Variants in VPS41 observed in about 807,000 individuals in gnomAD.
The protein encoded by VPS41 is VPS41 subunit of HOPS complex, also known as vacuolar protein sorting-associated protein 41 homolog.
VPS41 carries 85 observed loss-of-function variants against 130.9 expected under a neutral mutation model. The ratio of observed to expected loss-of-function variants is 0.65; its 90% confidence interval spans 0.55 to 0.78. The LOEUF is 0.78. Among genes scored for constraint, VPS41 ranks in the 30% least tolerant of loss-of-function variants. VPS41 has a pLI of 0.00. For synonymous variants in VPS41, 335 were observed against 332.9 expected, an observed-to-expected ratio of 1.01 and a Z score of -0.07; for missense variants, 874 against 1,018.7, an observed-to-expected ratio of 0.86 and a Z score of 1.93.
rs1795483783 is a variant in VPS41 at position 38,723,752 on chromosome 7, A to AAAAAAAAAAAAAAAAAT, written c.*2493_*2494insATTTTTTTTTTTTTTTT. 1 of 147,164 alleles carries AAAAAAAAAAAAAAAAAT rather than the reference A, an allele frequency of 6.8e-6. No individual in the cohort carries two copies. Among genetic ancestry groups the AAAAAAAAAAAAAAAAAT allele is most frequent in the East Asian group, 2.0e-4 (1 of 5,064 alleles). The allele number at this position is 147,164 out of a possible 1,614,324, so 9.1% of individuals were successfully genotyped here. On this transcript the variant is annotated 3_prime_UTR_variant, in exon 29 of 29. Transcript: ENST00000310301. Reference sequence around the variant, plus strand: ...AAAAAAAAAAAAAAAAAAAAAAAAAAGAATAGCTTATGAAGTGTGTACTTT... The same window carrying AAAAAAAAAAAAAAAAAT: ...AAAAAAAAAAAAAAAAAAAAAAAAAAAAAAAAAAAAAAAAAATGAATAGCTTATGAAGTGTGTACTTT...
chr7:38,765,712 A>G (rs766192163), intron 15 of VPS41, 51 bp from the exon 16 acceptor site: 3 of 1,197,306 alleles, frequency 2.5e-6, no homozygotes, highest in African/African-American at 3.1e-5. Flanking sequence ...TAAAAAAACA[A>G]AAAACAAACA....
At chr7:38,804,707 G>A (rs1784805442) in intron 7 of VPS41, among the ~76,000 whole-genome samples, 1 of 152,208 alleles carries the variant, frequency 6.6e-6, no homozygotes, top group Admixed American at 6.5e-5. Flanking sequence ...CACCTATGCA[G>A]TATCTACCTA....
chr7:38,909,148 C>G lies in VPS41; in HGVS notation c.21+6G>C, dbSNP rs372508963. On this transcript the variant is annotated splice_donor_region_variant and intron_variant, in intron 1 of 28. Coordinates refer to ENST00000310301, the MANE Select transcript of VPS41 (RefSeq NM_014396.4). ...TGTGCCCTCAACTACCACCTGCACC[C>G]TTTACCTGCTCCTCTGCTTCCGCCA... 2.5e-5 allele frequency: 41 copies of G among 1,614,126 alleles called. No individual in the cohort carries two copies. Among genetic ancestry groups the G allele is most frequent in the Admixed American group, 3.3e-5 (2 of 60,018 alleles).
chr7:38,782,888 G>T (rs923380308), intron 10 of VPS41, among the ~76,000 whole-genome samples: 1 of 151,886 alleles, frequency 6.6e-6, no homozygotes, highest in Non-Finnish European at 1.5e-5. Context: ...AGGCCGAGGT[G>T]GACGGATCAC....
At chr7:38,775,081 ATCTGGGGGCTATT>A (rs1024143434) in intron 11 of VPS41, 33 of 152,140 alleles carry the variant, frequency 2.2e-4, no homozygotes, top group Admixed American at 2.0e-3. Flanking sequence ...TCACGTGGAT[ATCTGGGGGCTATT>A]TGGGGGATAA....
intron 11 of VPS41, among the ~76,000 whole-genome samples, chr7:38,775,029 A>G (rs1784231074): frequency 6.6e-6 from 1 of 152,210 alleles, no homozygotes; most frequent in Non-Finnish European, 1.5e-5. Context: ...GCATGTGACT[A>G]TCCCTGCAAC....
intron 9 of VPS41, among the ~76,000 whole-genome samples, chr7:38,794,069 T>C (rs1168379559): frequency 2.0e-5 from 3 of 152,188 alleles, no homozygotes; most frequent in Non-Finnish European, 4.4e-5. Context: ...CTGGGAGTAA[T>C]GAGTAAACTT....
rs931911958 is a variant in VPS41 at position 38,758,942 on chromosome 7, A to G, written c.1423-461T>C. 7.2e-5 allele frequency among the ~76,000 whole-genome samples: 11 copies of G among 152,362 alleles called. No individual in the cohort carries two copies. In the East Asian group the frequency reaches 2.1e-3, roughly 29 times the overall value. On this transcript the variant is annotated intron_variant, in intron 17 of 28. Transcript: ENST00000310301. ...CACCCAAAGAGGACCTGGAAGCTCCATGCCTCTTCCCACATACCTTGCCCT... is the reference window on the plus strand; with the variant it reads ...CACCCAAAGAGGACCTGGAAGCTCCGTGCCTCTTCCCACATACCTTGCCCT...
intron 1 of VPS41, among the ~76,000 whole-genome samples, chr7:38,908,007 C>T (rs113277144): frequency 3.3e-5 from 5 of 152,148 alleles, no homozygotes; most frequent in Middle Eastern, 3.4e-3. Context: ...CAAGGACCAG[C>T]CAAACCAAAT....
chr7:38,792,943 C>T (rs1248781349), intron 9 of VPS41, among the ~76,000 whole-genome samples: 1 of 152,108 alleles, frequency 6.6e-6, no homozygotes, highest in Non-Finnish European at 1.5e-5. Context: ...TTTTGCACTC[C>T]TGCTCCTTCT....
Position 38,869,131 on chromosome 7 carries a change from A to G in VPS41, c.168+15T>C, listed in dbSNP as rs1285830357. On this transcript the variant is annotated intron_variant, in intron 3 of 28. Transcript: ENST00000310301. ...AAACAATTTACAGAAGAATCCTCTG[A>G]AAGTGCTATCTTACCTTGTCATGGA... is the stretch of plus-strand genomic sequence containing the variant. 6.6e-7 allele frequency: 1 copy of G among 1,512,648 alleles called. No individual in the cohort carries two copies. The highest frequency in any genetic ancestry group is 1.3e-5 in the South Asian group (1 of 79,370). 93.7% of individuals were successfully genotyped at this position (1,512,648 alleles called of 1,614,324 possible). A position where few individuals can be genotyped will look rare whatever the true frequency, so the allele number is the denominator to read the frequency against.
At chr7:38,825,957 T>G (rs1298823838) in intron 5 of VPS41, among the ~76,000 whole-genome samples, 1 of 152,214 alleles carries the variant, frequency 6.6e-6, no homozygotes, top group Non-Finnish European at 1.5e-5. Context: ...TAGACTTCCC[T>G]TGTAACAGCC....
chr7:38,795,874 C>T (rs534188400), intron 8 of VPS41, among the ~76,000 whole-genome samples: 1 of 152,254 alleles, frequency 6.6e-6, no homozygotes, highest in African/African-American at 2.4e-5. Context: ...ATGAAATGTA[C>T]AAACATCAAT....
At chr7:38,877,837 C>A (rs962050541) in intron 2 of VPS41, among the ~76,000 whole-genome samples, 1 of 152,150 alleles carries the variant, frequency 6.6e-6, no homozygotes. Context: ...CCCACCTGAA[C>A]AAAAGGTATT....
intron 22 of VPS41, among the ~76,000 whole-genome samples, chr7:38,746,684 C>T (rs940975296): frequency 2.6e-5 from 4 of 152,018 alleles, no homozygotes; most frequent in Non-Finnish European, 4.4e-5. Flanking sequence ...TATCTCATAC[C>T]CTGCCTACAA....
At chr7:38,862,146 T>G (rs951044937) in intron 4 of VPS41, among the ~76,000 whole-genome samples, 4 of 152,102 alleles carry the variant, frequency 2.6e-5, no homozygotes, top group Admixed American at 2.6e-4. Flanking sequence ...GAAAGCAGCA[T>G]TTTTTTCTTT....
Position 38,728,554 on chromosome 7 carries a change from T to A in VPS41, c.2392A>T (p.Ile798Phe). The A allele has an allele frequency of 1.2e-6, 2 of 1,614,132 alleles. No individual in the cohort carries two copies. Among genetic ancestry groups the A allele is most frequent in the Non-Finnish European group, 1.7e-6 (2 of 1,180,010 alleles). Residue 798 changes from isoleucine (I) to phenylalanine (F), a missense_variant, in exon 27 of 29, where the codon ATT becomes TTT. Coordinates refer to ENST00000310301, the MANE Select transcript of VPS41 (RefSeq NM_014396.4). ...ENICESCLSPILPSDAAKPFS... is the reference protein window; with the variant it reads ...ENICESCLSPFLPSDAAKPFS... ...AAAACCTTCTTACCTGATGGAAGAA[T>A]AGGGGAAAGGCACGACTCACAGATG...
intron 4 of VPS41, among the ~76,000 whole-genome samples, chr7:38,847,827 C>A (rs1474821786): frequency 6.6e-6 from 1 of 152,170 alleles, no homozygotes; most frequent in East Asian, 1.9e-4. Context: ...ATAGCTGCAG[C>A]AATGCTAATG....
chr7:38,816,932 TC>T (rs1785062355), intron 7 of VPS41, among the ~76,000 whole-genome samples: 1 of 151,944 alleles, frequency 6.6e-6, no homozygotes, highest in African/African-American at 2.4e-5. Context: ...TTTTGTAGAG[TC>T]GGTCTCACTC....
Sources: gnomAD v4.1 joint callset for allele counts (sites outside exome capture counted in the v4.1 genomes callset) on GRCh38, gnomAD v4.1.1 for gene constraint, MANE v1.5 for transcripts, NCBI Gene and HGNC (gene_info 2026-07-23, HGNC 2026-07-21) for gene names.